The following CAMTA2 variants were observed in gnomAD, a reference collection of about 807,000 sequenced individuals.
CAMTA2 encodes calmodulin-binding transcription activator 2.
A neutral mutation model predicts 135.7 loss-of-function variants in CAMTA2; 56 were observed. The ratio of observed to expected loss-of-function variants is 0.41; its 90% CI spans 0.33 to 0.52. The LOEUF (loss-of-function observed/expected upper bound fraction) is 0.52. CAMTA2 is among the 20% of genes least tolerant of loss of function. The pLI is 0.16. For missense variants in CAMTA2, 1,358 were observed against 1,553.4 expected (o/e 0.87, Z 2.11); for synonymous variants, 591 against 604.6 (o/e 0.98, Z 0.33).
At chr17:4,973,489 C>A in intron 13 of CAMTA2, 96 bp downstream of exon 13, 3 of 1,319,422 alleles carry the variant, frequency 2.3e-6, no homozygotes, top group Non-Finnish European at 3.1e-6. Flanking sequence ...CCCCAACTCC[C>A]TCTTGGTAGG....
chr17:4,973,097 T>A (rs1023519506), intron 14 of CAMTA2, 78 bp downstream of exon 14: 2 of 1,500,454 alleles, frequency 1.3e-6, no homozygotes, highest in Admixed American at 3.4e-5. Context: ...ACTCCCTGCA[T>A]TCCTCAGGAT....
rs575506651 is a variant in CAMTA2, at chr17:4,975,216, G to T, written c.1901-716C>A. ...TAGGAAAACAGACACAAACGGTGAA[G>T]GTTGGAGATGTTCTGAGATGCCAGG... On this transcript the variant is annotated intron_variant, in intron 11 of 22. Transcript: ENST00000348066. 7.9e-5 allele frequency among the ~76,000 whole-genome samples: 12 copies of T among 152,280 alleles called. No individual in the cohort carries two copies. The South Asian group carries it at 2.3e-3, about 29-fold the overall frequency.
intron 2 of CAMTA2, 73 bp from the exon 3 acceptor site, chr17:4,986,056 C>G (rs991921633): frequency 8.1e-7 from 1 of 1,233,996 alleles, no homozygotes; most frequent in Non-Finnish European, 1.2e-6. Context: ...GGGGAAAGGG[C>G]TGAAGGCAAT....
At chr17:4,981,917 C>T (rs1435381886) in intron 6 of CAMTA2, 86 bp from the exon 7 acceptor site, 2 of 1,400,600 alleles carry the variant, frequency 1.4e-6, no homozygotes, top group Non-Finnish European at 2.0e-6. Flanking sequence ...TCCTGGGCAC[C>T]CTCCTAACCT....
At position 4,980,586 on chromosome 17, in the gene CAMTA2, T is replaced by G. The variant is rs758405970; in HGVS notation, c.736A>C (p.Lys246Gln). 2 of 1,613,918 alleles carry G rather than the reference T, an allele frequency of 1.2e-6. No homozygotes were observed. Among genetic ancestry groups the G allele is most frequent in the Non-Finnish European group, 1.7e-6 (2 of 1,179,998 alleles). Residue 246 changes from lysine (K) to glutamine (Q), a missense_variant, in exon 9 of 23, where the codon AAA (lysine) becomes CAA (glutamine). Coordinates refer to ENST00000348066, the MANE Select transcript of CAMTA2 (RefSeq NM_015099.4). The surrounding 1 kb of genome is among the most constrained non-coding windows in gnomAD (Gnocchi z 5.3). Reference sequence around the variant, plus strand: ...ACTTTGGGAGAGATGATGCGGTGTTTCGTGCTGCTGCATTTGTGGGTAAGG... The same window carrying G: ...ACTTTGGGAGAGATGATGCGGTGTTGCGTGCTGCTGCATTTGTGGGTAAGG... ...GSLTHKCSST[K>Q]HRIISPKVEP... is the part of the protein sequence containing the mutation.
chr17:4,973,947 C>T lies in CAMTA2; in HGVS notation c.2017-178G>A, dbSNP rs1017378369. ...GGCCTGTGTCTCTTGCTCCCACAGC[C>T]ACTTCCTCCAGCAGCCAGACCTCAC... On this transcript the variant is annotated intron_variant, in intron 12 of 22. Transcript: ENST00000348066. 6 of 593,342 alleles carry T rather than the reference C, an allele frequency of 1.0e-5. No homozygotes were observed. The Admixed American group carries it at 1.6e-4, about 16-fold the overall frequency. 36.8% of individuals were successfully genotyped at this position (593,342 alleles called of 1,614,324 possible).
intron 17 of CAMTA2, 108 bp downstream of exon 17, chr17:4,970,232 G>A: frequency 7.0e-7 from 1 of 1,427,234 alleles, no homozygotes; most frequent in Non-Finnish European, 9.8e-7. Flanking sequence ...CTTCTCCAAG[G>A]CCCTGGGGCC....
At chr17:4,974,994 C>T (rs770057513) in intron 11 of CAMTA2, among the ~76,000 whole-genome samples, 1 of 152,160 alleles carries the variant, frequency 6.6e-6, no homozygotes, top group African/African-American at 2.4e-5. Flanking sequence ...CAGCCCCCCG[C>T]AGCTGTCCAC....
At chr17:4,968,875 C>A in intron 22 of CAMTA2, 32 bp downstream of exon 22, 1 of 1,613,068 alleles carries the variant, frequency 6.2e-7, no homozygotes, top group Non-Finnish European at 8.5e-7. Flanking sequence ...CGGGTGGCAA[C>A]GCAAAAGCCC....
Position 4,977,222 on chromosome 17 carries a change from T to C in CAMTA2, c.1766-30A>G, listed in dbSNP as rs768813053. On this transcript the variant is annotated intron_variant, in intron 10 of 22. Coordinates refer to ENST00000348066, the MANE Select transcript of CAMTA2 (RefSeq NM_015099.4). ...AGAGGGTAGGATCAGCGAGAAGGGC[T>C]CTCTTTCCCTGGCTCCTTCTCTGGC... The C allele has an allele frequency of 2.5e-6, 4 of 1,605,000 alleles. No homozygotes were observed. In the South Asian group the frequency reaches 3.3e-5, roughly 13 times the overall value.
Position 4,968,304 on chromosome 17 carries a change from CAG to C in CAMTA2, c.*450_*451del, listed in dbSNP as rs1344572338. 1 of 272,528 alleles carries C rather than the reference CAG, an allele frequency of 3.7e-6. No homozygotes were observed. The highest frequency in any genetic ancestry group is 7.1e-6 in the Non-Finnish European group (1 of 140,438). 16.9% of individuals were successfully genotyped at this position (272,528 alleles called of 1,614,324 possible). A position where few individuals can be genotyped will look rare whatever the true frequency, so the allele number is the denominator to read the frequency against. On this transcript the variant is annotated 3_prime_UTR_variant, in exon 23 of 23. Coordinates refer to ENST00000348066, the MANE Select transcript of CAMTA2 (RefSeq NM_015099.4). The stretch of plus-strand genomic sequence containing the variant: ...AAGACAGGGCCAGAGAGGGAGGAAA[CAG>C]ACGCAAACATGCGGAGTCGGGTGGG...
rs184977830 is a variant in CAMTA2, at chr17:4,973,355, C to T, written c.2202-102G>A. ...CACTAGGAGGCAAGCTGTACAGGGC[C>T]GGTGGGAAGAGGCAGTCAAGGACAC... On this transcript the variant is annotated intron_variant, in intron 13 of 22. Coordinates refer to ENST00000348066, the MANE Select transcript of CAMTA2 (RefSeq NM_015099.4). 704 of 1,008,938 alleles carry T rather than the reference C, an allele frequency of 7.0e-4. 9 individuals are homozygous for T. In the South Asian group the frequency reaches 8.1e-3, roughly 12 times the overall value. 62.5% of individuals were successfully genotyped at this position (1,008,938 alleles called of 1,614,324 possible).
intron 1 of CAMTA2, chr17:4,986,856 C>G: frequency 1.0e-6 from 1 of 982,982 alleles, no homozygotes; most frequent in East Asian, 2.7e-5. Context: ...CCCAGATTCC[C>G]ACCCTCAGGA....
chr17:4,977,445 G>A (rs1258432649), intron 10 of CAMTA2, among the ~76,000 whole-genome samples: 2 of 152,256 alleles, frequency 1.3e-5, no homozygotes, highest in Non-Finnish European at 2.9e-5. Flanking sequence ...TATTCAGCAA[G>A]AAGGTTTGGA....
chr17:4,986,295 G>C lies in CAMTA2; in HGVS notation c.-64-9C>G, dbSNP rs576609066. 8.1e-7 allele frequency: 1 copy of C among 1,227,008 alleles called. No homozygotes were observed. Among genetic ancestry groups the C allele is most frequent in the Non-Finnish European group, 1.2e-6 (1 of 849,312 alleles). 76.0% of individuals were successfully genotyped at this position (1,227,008 alleles called of 1,614,324 possible). A position where few individuals can be genotyped will look rare whatever the true frequency, so the allele number is the denominator to read the frequency against. On this transcript the variant is annotated splice_polypyrimidine_tract_variant and intron_variant, in intron 1 of 22. Coordinates refer to ENST00000348066, the MANE Select transcript of CAMTA2 (RefSeq NM_015099.4). ...GGGAGGGGGAGTCTGTGCTGGGAAG[G>C]GAGAGAACAAGGTCATGGCAGAAGC...
Position 4,972,951 on chromosome 17 carries a change from A to T in CAMTA2, c.2321T>A (p.Leu774His). 6.2e-7 allele frequency: 1 copy of T among 1,613,548 alleles called. No individual in the cohort carries two copies. The highest frequency in any genetic ancestry group is 2.2e-5 in the East Asian group (1 of 44,882). ...TGCCTGTCGGTTCCAACGGAAAAGG[A>T]GCACAGCAGCTTCCAGGTGTCCCAG... ...CALGHLEAAV[L>H]LFRWNRQALS... The change falls in exon 15 of 23, where the codon CTC (leucine) becomes CAC (histidine). Residue 774 changes from leucine to histidine, a missense_variant. Physicochemically the swap from Leu to His is moderately conservative, Grantham distance 99 (BLOSUM62 -3). Coordinates refer to ENST00000348066, the MANE Select transcript of CAMTA2 (RefSeq NM_015099.4).
intron 1 of CAMTA2, chr17:4,986,940 C>T (rs2143113597): frequency 2.0e-6 from 3 of 1,521,076 alleles, no homozygotes; most frequent in South Asian, 2.4e-5. Flanking sequence ...CCCTGGCCTC[C>T]AGGCCTAGCC....
intron 12 of CAMTA2, 62 bp from the exon 13 acceptor site, chr17:4,973,831 T>A: frequency 7.0e-7 from 1 of 1,424,442 alleles, no homozygotes. Flanking sequence ...TGAGGTGGCC[T>A]TGGCCACCTC....
Position 4,968,958 on chromosome 17 carries a change from T to C in CAMTA2, c.3494A>G (p.Gln1165Arg). Residue 1165 changes from glutamine (Q) to arginine (R), a missense_variant, in exon 22 of 23, where the codon CAG becomes CGG. By Grantham distance (43) the Gln-to-Arg change is conservative. Transcript: ENST00000348066. The part of the protein sequence containing the change: ...RNKGSFLTKK[Q>R]DQAARKIMRF... ...CATGATCTTCCGGGCTGCCTGGTCC[T>C]GCTTCTTGGTGAGAAAGGAGCCTCT... 1 of 1,614,146 alleles carries C rather than the reference T, an allele frequency of 6.2e-7. No homozygotes were observed.
Sources: allele counts gnomAD v4.1 joint callset (sites outside exome capture counted in the v4.1 genomes callset), GRCh38; gene constraint gnomAD v4.1.1; non-coding constraint Gnocchi (gnomAD v3.1); transcripts MANE v1.5; gene names NCBI Gene and HGNC (gene_info 2026-07-23, HGNC 2026-07-21).